HSD17B12: variants seen among roughly 807,000 people sequenced by gnomAD.
The protein encoded by HSD17B12 is hydroxysteroid 17-beta dehydrogenase 12, also known as very-long-chain 3-oxoacyl-CoA reductase.
A neutral mutation model predicts 39.3 loss-of-function variants in HSD17B12; 32 were observed. The ratio of observed to expected loss-of-function variants is 0.81; its 90% CI spans 0.61 to 1.09. HSD17B12 has a LOEUF of 1.09. Among genes scored for constraint, HSD17B12 ranks in the 50% least tolerant of loss-of-function variants. The pLI is 0.00. For missense variants in HSD17B12, 342 were observed against 382.9 expected (o/e 0.89, Z 0.89); for synonymous variants, 150 against 146.7 (o/e 1.02, Z -0.16).
chr11:43,848,437 A>C (rs1951499891), intron 9 of HSD17B12: 1 of 152,188 alleles, frequency 6.6e-6, no homozygotes, highest in Non-Finnish European at 1.5e-5. Flanking sequence ...CAACAGTCAG[A>C]TATTCTCCAT....
the HSD17B12 span, among the ~76,000 whole-genome samples, chr11:43,663,193 G>A: frequency 5.3e-5 from 8 of 152,036 alleles, no homozygotes; most frequent in East Asian, 1.9e-4. Flanking sequence ...TCCCGTTTCC[G>A]GATTCAAGTG....
At chr11:43,624,309 A>G in the HSD17B12 span, among the ~76,000 whole-genome samples, 1 of 152,032 alleles carries the variant, frequency 6.6e-6, no homozygotes, top group South Asian at 2.1e-4. Flanking sequence ...AGTTATTCTT[A>G]TAAGATATGC....
At chr11:43,705,224 T>C (rs1258272709) in intron 1 of HSD17B12, among the ~76,000 whole-genome samples, 1 of 152,244 alleles carries the variant, frequency 6.6e-6, no homozygotes, top group African/African-American at 2.4e-5. Flanking sequence ...TGCTGGTTAT[T>C]GAGTTCTTGT....
At chr11:43,830,794 G>T (rs777633130) in intron 6 of HSD17B12, 182 bp from the exon 7 acceptor site, 18 of 422,246 alleles carry the variant, frequency 4.3e-5, no homozygotes, top group Non-Finnish European at 7.7e-5. Flanking sequence ...ATTTCAGCTG[G>T]TTCCTTTTTA....
chr11:43,690,361 C>CATATAT (rs61646858), intron 1 of HSD17B12, among the ~76,000 whole-genome samples: 46 of 39,406 alleles, frequency 1.2e-3, no homozygotes, highest in African/African-American at 1.4e-3. Flanking sequence ...GGTATTCATA[C>CATATAT]ATATATATAT....
chr11:43,845,918 A>T (rs372037758), intron 9 of HSD17B12, among the ~76,000 whole-genome samples: 1 of 152,346 alleles, frequency 6.6e-6, no homozygotes, highest in African/African-American at 2.4e-5. Context: ...GAGATTTTTG[A>T]TGCTAAAGAA....
the HSD17B12 span, among the ~76,000 whole-genome samples, chr11:43,631,048 G>A: frequency 2.0e-5 from 3 of 152,074 alleles, no homozygotes; most frequent in Non-Finnish European, 2.9e-5. Context: ...CAGGTGAACC[G>A]CCTGCCTTGG....
chr11:43,751,968 A>G (rs1950468882), intron 2 of HSD17B12, among the ~76,000 whole-genome samples: 1 of 152,164 alleles, frequency 6.6e-6, no homozygotes, highest in South Asian at 2.1e-4. Context: ...TTGCCCCAAT[A>G]CATCCTTTTA....
At chr11:43,723,516 G>A (rs1950193857) in intron 1 of HSD17B12, among the ~76,000 whole-genome samples, 1 of 152,038 alleles carries the variant, frequency 6.6e-6, no homozygotes, top group Non-Finnish European at 1.5e-5. Context: ...AATTGGGTTG[G>A]GAGGAAATAG....
chr11:43,670,103 C>G, the HSD17B12 span, among the ~76,000 whole-genome samples: 1 of 152,182 alleles, frequency 6.6e-6, no homozygotes, highest in Non-Finnish European at 1.5e-5. Flanking sequence ...GCTGGGAAGG[C>G]TTTTCAGAGA....
chr11:43,717,909 A>G (rs1028017919), intron 1 of HSD17B12, among the ~76,000 whole-genome samples: 1 of 151,292 alleles, frequency 6.6e-6, no homozygotes, highest in Non-Finnish European at 1.5e-5. Context: ...GGTTTAAGCA[A>G]TTCTCATACC....
chr11:43,702,364 T>C (rs933807569), intron 1 of HSD17B12, among the ~76,000 whole-genome samples: 1 of 152,206 alleles, frequency 6.6e-6, no homozygotes, highest in Non-Finnish European at 1.5e-5. Context: ...TCCAGTACTA[T>C]GTTGAATAAC....
chr11:43,747,144 C>T (rs999377931), intron 1 of HSD17B12, among the ~76,000 whole-genome samples: 2 of 152,176 alleles, frequency 1.3e-5, no homozygotes, highest in African/African-American at 4.8e-5. Flanking sequence ...CAACTAAATG[C>T]CGATCATCAT....
At chr11:43,587,722 G>A in the HSD17B12 span, among the ~76,000 whole-genome samples, 2 of 152,190 alleles carry the variant, frequency 1.3e-5, no homozygotes, top group South Asian at 4.1e-4. Context: ...TATCTTTTAG[G>A]CTAAGTATTC....
At chr11:43,772,206 A>G (rs1224522316) in intron 3 of HSD17B12, among the ~76,000 whole-genome samples, 1 of 152,222 alleles carries the variant, frequency 6.6e-6, no homozygotes, top group East Asian at 1.9e-4. Context: ...CATTTTAAAG[A>G]TCCTGTTGAT....
chr11:43,623,187 C>G, the HSD17B12 span, among the ~76,000 whole-genome samples: 1 of 152,038 alleles, frequency 6.6e-6, no homozygotes, highest in African/African-American at 2.4e-5. Flanking sequence ...AGGTTTTAAT[C>G]TGGAGAAAGA....
chr11:43,591,266 A>C, the HSD17B12 span, among the ~76,000 whole-genome samples: 18 of 152,338 alleles, frequency 1.2e-4, no homozygotes, highest in African/African-American at 4.3e-4. Flanking sequence ...ACATTTAAGC[A>C]AACATTTTAG....
At chr11:43,613,957 A>C in the HSD17B12 span, among the ~76,000 whole-genome samples, 1 of 152,168 alleles carries the variant, frequency 6.6e-6, no homozygotes, top group East Asian at 1.9e-4. Flanking sequence ...ATCAGCCACC[A>C]TGTCCAGCTG....
the HSD17B12 span, among the ~76,000 whole-genome samples, chr11:43,602,539 C>G: frequency 6.6e-6 from 1 of 152,048 alleles, no homozygotes; most frequent in Non-Finnish European, 1.5e-5. Flanking sequence ...CTTTTTACCC[C>G]CCACTGCTAT....
Sources: allele counts gnomAD v4.1 joint callset (sites outside exome capture counted in the v4.1 genomes callset), GRCh38; gene constraint gnomAD v4.1.1; transcripts MANE v1.5; gene names NCBI Gene and HGNC (gene_info 2026-07-23, HGNC 2026-07-21).